Variants in ADGRA3 observed in about 807,000 individuals in gnomAD.
The protein encoded by ADGRA3 is adhesion G protein-coupled receptor A3.
Under a neutral mutation model 119.8 loss-of-function variants are expected in ADGRA3, and 56 were observed. The observed-to-expected ratio is 0.47, with a 90% confidence interval of 0.38 to 0.58. The LOEUF is 0.58. Among genes scored for constraint, ADGRA3 ranks in the 20% least tolerant of loss-of-function variants. ADGRA3 has a pLI of 0.00. For missense variants in ADGRA3, 1,516 were observed against 1,649.0 expected (o/e 0.92, Z 1.40); for synonymous variants, 607 against 623.8 (o/e 0.97, Z 0.40).
chr4:22,499,297 T>A (rs935151058), intron 1 of ADGRA3, among the ~76,000 whole-genome samples: 1 of 152,226 alleles, frequency 6.6e-6, no homozygotes, highest in Admixed American at 6.5e-5. Context: ...CATAGAACTT[T>A]AGCAGTTAAA....
chr4:22,408,263 A>G (rs1036173624), intron 14 of ADGRA3, among the ~76,000 whole-genome samples: 2 of 152,050 alleles, frequency 1.3e-5, no homozygotes, highest in Non-Finnish European at 2.9e-5. Flanking sequence ...TTTCTTAAAC[A>G]GCATTAACTA....
chr4:22,436,161 G>C (rs947336216), intron 9 of ADGRA3, among the ~76,000 whole-genome samples: 1 of 151,914 alleles, frequency 6.6e-6, no homozygotes, highest in East Asian at 1.9e-4. Context: ...ATGTGAACTC[G>C]AAGGATGGTT....
chr4:22,395,666 G>C (rs922081476), intron 16 of ADGRA3, among the ~76,000 whole-genome samples: 1 of 152,138 alleles, frequency 6.6e-6, no homozygotes, highest in African/African-American at 2.4e-5. Context: ...CAGAGTGATG[G>C]GGGCTGAGAG....
chr4:22,419,753 GGTTT>G (rs1462543012), intron 12 of ADGRA3, among the ~76,000 whole-genome samples: 4 of 151,400 alleles, frequency 2.6e-5, no homozygotes, highest in African/African-American at 9.7e-5. Context: ...GTATGTTTGT[GGTTT>G]TTTTGTTTTG....
Position 22,388,714 on chromosome 4 carries a change from A to C in ADGRA3, c.2957T>G (p.Leu986Trp). The change falls in exon 19 of 19, where the codon TTG (leucine) becomes TGG (tryptophan). Residue 986 changes from leucine to tryptophan, a missense_variant. By Grantham distance (61) the Leu-to-Trp change is moderately conservative (BLOSUM62 -2). This residue lies in a region of ADGRA3 where 1,088 missense variants were observed against 1,107.1 expected (regional missense o/e 0.98). Transcript: ENST00000334304. The part of the protein sequence containing the change: ...MSLSLISTSA[L>W]ENEHTFHSQL... ...AGAATGAAAAGTGTGCTCATTTTCC[A>C]AGGCTGATGTAGAAATCAGAGACAA... is the stretch of plus-strand genomic sequence containing the variant. 1 of 1,614,080 alleles carries C rather than the reference A, an allele frequency of 6.2e-7. No individual in the cohort carries two copies. The highest frequency in any genetic ancestry group is 8.5e-7 in the Non-Finnish European group (1 of 1,179,984).
At chr4:22,485,892 G>A (rs1433721850) in intron 1 of ADGRA3, among the ~76,000 whole-genome samples, 1 of 152,216 alleles carries the variant, frequency 6.6e-6, no homozygotes, top group African/African-American at 2.4e-5. Flanking sequence ...CAGACTGAGA[G>A]CAGAACTGGA....
intron 10 of ADGRA3, 30 bp downstream of exon 10, chr4:22,435,281 T>C (rs1560315270): frequency 6.3e-7 from 1 of 1,575,188 alleles, no homozygotes; most frequent in East Asian, 2.2e-5. Context: ...GTTGACACTG[T>C]ATGCTACAAA....
intron 2 of ADGRA3, among the ~76,000 whole-genome samples, chr4:22,468,539 C>T (rs1000452578): frequency 1.3e-5 from 2 of 151,984 alleles, no homozygotes; most frequent in Non-Finnish European, 2.9e-5. Flanking sequence ...GAGGCTGAGG[C>T]GGACAGATCA....
intron 1 of ADGRA3, 82 bp from the exon 2 acceptor site, chr4:22,473,925 A>C: frequency 1.3e-6 from 1 of 793,774 alleles, no homozygotes; most frequent in Non-Finnish European, 2.0e-6. Context: ...GTTTAAACCT[A>C]TGAGAAATTC....
chr4:22,387,481 T>G lies in ADGRA3; in HGVS notation c.*224A>C. On this transcript the variant is annotated 3_prime_UTR_variant, in exon 19 of 19. Coordinates refer to ENST00000334304, the MANE Select transcript of ADGRA3 (RefSeq NM_145290.4). ...CATTTCACATCCCAAAATGTCCTGTTGGTGCTTTGACAACTAAAACAATGT... is the reference window on the plus strand; with the variant it reads ...CATTTCACATCCCAAAATGTCCTGTGGGTGCTTTGACAACTAAAACAATGT... The G allele has an allele frequency of 2.2e-6, 1 of 447,380 alleles. No homozygotes were observed. The allele number at this position is 447,380 out of a possible 1,614,324, so 27.7% of individuals were successfully genotyped here. A position where few individuals can be genotyped will look rare whatever the true frequency, so the allele number is the denominator to read the frequency against.
chr4:22,502,155 TC>T (rs568242549), intron 1 of ADGRA3, among the ~76,000 whole-genome samples: 259 of 152,330 alleles, frequency 1.7e-3, no homozygotes, highest in Middle Eastern at 3.4e-3. Context: ...AGCCAGGTAC[TC>T]CTGAGAGCGA....
intron 12 of ADGRA3, among the ~76,000 whole-genome samples, chr4:22,419,721 T>C (rs1252535195): frequency 6.6e-6 from 1 of 152,212 alleles, no homozygotes; most frequent in Non-Finnish European, 1.5e-5. Flanking sequence ...TTTCTCTGTG[T>C]TGCTGTTTCT....
intron 3 of ADGRA3, among the ~76,000 whole-genome samples, chr4:22,458,589 G>T (rs1717325067): frequency 6.6e-6 from 1 of 152,144 alleles, no homozygotes; most frequent in Non-Finnish European, 1.5e-5. Flanking sequence ...TGAACTTCAT[G>T]AATTTTTGTT....
chr4:22,454,996 T>C (rs531546955), intron 3 of ADGRA3, 59 bp from the exon 4 acceptor site: 4 of 1,190,750 alleles, frequency 3.4e-6, no homozygotes, highest in African/African-American at 3.0e-5. Context: ...GAAGGTCTCA[T>C]GCATTCAGTA....
At chr4:22,492,933 A>G (rs748991831) in intron 1 of ADGRA3, among the ~76,000 whole-genome samples, 10 of 152,212 alleles carry the variant, frequency 6.6e-5, no homozygotes, top group Admixed American at 2.0e-4. Flanking sequence ...CACTGTAGAT[A>G]CTACTGTTAC....
chr4:22,453,212 AAAAAAG>A (rs1467741625), intron 4 of ADGRA3, among the ~76,000 whole-genome samples: 3 of 81,806 alleles, frequency 3.7e-5, no homozygotes, highest in Non-Finnish European at 6.3e-5. Flanking sequence ...AAAAAAAAAA[AAAAAAG>A]AAAGAAAAAG....
At chr4:22,508,155 G>A (rs985594553) in intron 1 of ADGRA3, among the ~76,000 whole-genome samples, 6 of 152,208 alleles carry the variant, frequency 3.9e-5, no homozygotes, top group African/African-American at 1.4e-4. Flanking sequence ...AGAAGCACCA[G>A]TATCATAGAA....
chr4:22,410,691 AT>A (rs1317135555), intron 14 of ADGRA3, among the ~76,000 whole-genome samples: 2 of 152,050 alleles, frequency 1.3e-5, no homozygotes, highest in African/African-American at 2.4e-5. Context: ...TTTAAAAACA[AT>A]TTTTTCAATC....
chr4:22,434,256 T>C (rs1244627789), intron 10 of ADGRA3, among the ~76,000 whole-genome samples: 5 of 149,502 alleles, frequency 3.3e-5, no homozygotes, highest in East Asian at 1.9e-4. Flanking sequence ...ATAATTGATA[T>C]ATAAAAATAT....
Sources: allele counts gnomAD v4.1 joint callset (sites outside exome capture counted in the v4.1 genomes callset), GRCh38; gene constraint gnomAD v4.1.1; regional missense constraint gnomAD v4.1.1; transcripts MANE v1.5; gene names NCBI Gene and HGNC (gene_info 2026-07-23, HGNC 2026-07-21).